Variants in ARHGEF10 observed in about 807,000 individuals in gnomAD.
The protein encoded by ARHGEF10 is Rho guanine nucleotide exchange factor 10.
A neutral mutation model predicts 147.4 loss-of-function variants in ARHGEF10; 140 were observed. That is an observed-to-expected ratio of 0.95 (90% CI 0.83 to 1.09). The LOEUF is 1.09. ARHGEF10 is among the 50% of genes least tolerant of loss of function. The pLI, the probability that ARHGEF10 is intolerant of heterozygous loss-of-function variation, is 0.00. For missense variants in ARHGEF10, 2,222 were observed against 1,752.7 expected, an observed-to-expected ratio of 1.27 and a Z score of -4.78; for synonymous variants, 902 against 695.8, an observed-to-expected ratio of 1.30 and a Z score of -4.67.
intron 6 of ARHGEF10, 30 bp from the exon 7 acceptor site, chr8:1,869,164 G>C (rs780696507): frequency 6.2e-7 from 1 of 1,600,512 alleles, no homozygotes; most frequent in South Asian, 1.1e-5. Context: ...GTTGGTCACT[G>C]TTTAAAGTGT....
At chr8:1,835,041 G>A (rs958849915) in intron 1 of ARHGEF10, among the ~76,000 whole-genome samples, 18 of 152,186 alleles carry the variant, frequency 1.2e-4, no homozygotes, top group Admixed American at 4.6e-4. Context: ...CGGCTCGGTC[G>A]GGGAGTGCTG....
chr8:1,893,707 A>T, intron 12 of ARHGEF10, 61 bp downstream of exon 12: 1 of 1,299,306 alleles, frequency 7.7e-7, no homozygotes, highest in Non-Finnish European at 1.1e-6. Context: ...ACCTATATAC[A>T]TTTTGATCCA....
At chr8:1,940,416 C>G (rs550677360) in intron 26 of ARHGEF10, among the ~76,000 whole-genome samples, 42 of 152,218 alleles carry the variant, frequency 2.8e-4, no homozygotes, top group Admixed American at 7.2e-4. Flanking sequence ...ACTACCAAAA[C>G]TGAATCATGA....
chr8:1,932,498 C>T (rs897294640), intron 25 of ARHGEF10, among the ~76,000 whole-genome samples: 8 of 151,298 alleles, frequency 5.3e-5, no homozygotes, highest in African/African-American at 1.7e-4. Context: ...TGTGTGTGTG[C>T]ATATGGCATG....
At chr8:1,878,470 C>T (rs1296708890) in intron 8 of ARHGEF10, among the ~76,000 whole-genome samples, 1 of 152,194 alleles carries the variant, frequency 6.6e-6, no homozygotes, top group Non-Finnish European at 1.5e-5. Flanking sequence ...CAGGCATGAG[C>T]CACTGCACCC....
At chr8:1,846,480 C>T (rs1804570976) in intron 2 of ARHGEF10, among the ~76,000 whole-genome samples, 1 of 152,228 alleles carries the variant, frequency 6.6e-6, no homozygotes, top group Admixed American at 6.5e-5. Context: ...TTCTTCCCTG[C>T]GTGGGGACAC....
chr8:1,825,786 T>A (rs1287257754), intron 1 of ARHGEF10, among the ~76,000 whole-genome samples: 1 of 152,208 alleles, frequency 6.6e-6, no homozygotes, highest in Non-Finnish European at 1.5e-5. Context: ...ACTCAAGATG[T>A]AACGGGTTTT....
At chr8:1,863,637 G>A (rs1179648812) in intron 4 of ARHGEF10, among the ~76,000 whole-genome samples, 1 of 152,120 alleles carries the variant, frequency 6.6e-6, no homozygotes, top group Admixed American at 6.5e-5. Context: ...GACTCTGGCT[G>A]GCTTCTGCCC....
rs77258166 is a variant in ARHGEF10, at chr8:1,831,500, G to A, written c.-48+7387G>A. ...GACATCCGTGGAGGGACAGTGTGAC[G>A]GCCGTGGAGGGACAGTGTGACATCC... On this transcript the variant is annotated intron_variant, in intron 1 of 28. Coordinates refer to ENST00000349830, the MANE Select transcript of ARHGEF10 (RefSeq NM_014629.4). Among the ~76,000 whole-genome samples, 7 of 127,526 alleles carry A rather than the reference G, an allele frequency of 5.5e-5. 1 individual carries two copies. The highest frequency in any genetic ancestry group is 2.4e-4 in the East Asian group (1 of 4,118). The allele number at this position is 127,526 out of a possible 152,430, so 83.7% of individuals were successfully genotyped here.
chr8:1,913,010 T>A (rs1156454582), intron 18 of ARHGEF10, among the ~76,000 whole-genome samples: 1 of 152,256 alleles, frequency 6.6e-6, no homozygotes, highest in South Asian at 2.1e-4. Flanking sequence ...GAGAAAGTAA[T>A]GTTCACTGTT....
At chr8:1,858,282 A>C (rs550183399) in intron 3 of ARHGEF10, among the ~76,000 whole-genome samples, 167 bp downstream of exon 3, 2 of 152,016 alleles carry the variant, frequency 1.3e-5, no homozygotes, top group Admixed American at 1.3e-4. Flanking sequence ...GTGAGTCCGC[A>C]GATCACCGGC....
intron 11 of ARHGEF10, among the ~76,000 whole-genome samples, chr8:1,887,981 G>C (rs979221035): frequency 6.7e-6 from 1 of 149,834 alleles, no homozygotes; most frequent in Non-Finnish European, 1.5e-5. Context: ...AGTGGGGTGA[G>C]AGTTGTGAAG....
At chr8:1,923,705 A>G in intron 20 of ARHGEF10, 69 bp from the exon 21 acceptor site, 1 of 1,613,452 alleles carries the variant, frequency 6.2e-7, no homozygotes, top group Non-Finnish European at 8.5e-7. Flanking sequence ...GACAGGCAAA[A>G]TGTGTAATTT....
Position 1,857,979 on chromosome 8 carries a change from TA to T in ARHGEF10, c.58del (p.Thr20ProfsTer68), listed in dbSNP as rs1225714816. 2.5e-6 allele frequency: 4 copies of T among 1,613,876 alleles called. No individual in the cohort carries two copies. Among genetic ancestry groups the T allele is most frequent in the Non-Finnish European group, 3.4e-6 (4 of 1,179,914 alleles). ...TTTTAGAAAATGAAATGAAATATGATACCAATAATAATGAAGAGGAAGAGGG... is the reference window on the plus strand; with the variant it reads ...TTTTAGAAAATGAAATGAAATATGATCCAATAATAATGAAGAGGAAGAGGG... ...APAENEMKYD[T>X]NNNEEEEGEQ... is the part of the protein sequence containing the mutation. On this transcript the variant is annotated frameshift_variant, in exon 3 of 29. Transcript: ENST00000349830. LOFTEE classifies it high-confidence loss of function.
At chr8:1,916,036 C>T (rs117925305) in intron 18 of ARHGEF10, among the ~76,000 whole-genome samples, 3,951 of 152,330 alleles carry the variant, frequency 0.026, 67 homozygotes, top group Non-Finnish European at 0.04. Context: ...GGGGATGGGC[C>T]AGATGAGTGC....
intron 1 of ARHGEF10, among the ~76,000 whole-genome samples, chr8:1,827,460 C>T (rs181556949): frequency 1.8e-3 from 280 of 152,268 alleles, no homozygotes; most frequent in African/African-American, 6.5e-3. Flanking sequence ...AAGCACCCAC[C>T]ACCGTGCCCG....
intron 2 of ARHGEF10, among the ~76,000 whole-genome samples, 183 bp downstream of exon 2, chr8:1,843,619 G>C (rs553659527): frequency 1.3e-5 from 2 of 152,204 alleles, no homozygotes; most frequent in African/African-American, 2.4e-5. Flanking sequence ...TTGCCACGGG[G>C]GCATCCTGGG....
At chr8:1,837,272 A>T (rs1357350878) in intron 1 of ARHGEF10, among the ~76,000 whole-genome samples, 1 of 145,110 alleles carries the variant, frequency 6.9e-6, no homozygotes, top group South Asian at 2.2e-4. Context: ...GGTCGGGGGC[A>T]TGCTCTCTGC....
At chr8:1,875,935 A>T (rs1807660619) in intron 7 of ARHGEF10, 1 of 153,304 alleles carries the variant, frequency 6.5e-6, no homozygotes, top group South Asian at 2.1e-4. Flanking sequence ...ACCAGGTAAA[A>T]TAAAGAAACA....
Sources: gnomAD v4.1 joint callset for allele counts (sites outside exome capture counted in the v4.1 genomes callset) on GRCh38, gnomAD v4.1.1 for gene constraint, MANE v1.5 for transcripts, NCBI Gene and HGNC (gene_info 2026-07-23, HGNC 2026-07-21) for gene names.